Variants in R3HCC1 observed in about 807,000 individuals in gnomAD.
The protein encoded by R3HCC1 is R3H and coiled-coil domain-containing protein 1.
A neutral mutation model predicts 40.0 loss-of-function variants in R3HCC1; 32 were observed. That is an observed-to-expected ratio of 0.80 (90% CI 0.60 to 1.07). The LOEUF (loss-of-function observed/expected upper bound fraction) is 1.07. Among genes scored for constraint, R3HCC1 ranks in the 50% least tolerant of loss-of-function variants. The pLI is 0.00. For synonymous variants in R3HCC1, 237 were observed against 232.8 expected, an observed-to-expected ratio of 1.02 and a Z score of -0.17; for missense variants, 586 against 563.3, an observed-to-expected ratio of 1.04 and a Z score of -0.41.
chr8:23,289,061 C>G lies in R3HCC1; in HGVS notation c.156C>G (p.Ile52Met), dbSNP rs1327864429. 4 of 1,536,526 alleles carry G rather than the reference C, an allele frequency of 2.6e-6. No individual in the cohort carries two copies. Among genetic ancestry groups the G allele is most frequent in the Non-Finnish European group, 3.5e-6 (4 of 1,147,016 alleles). Residue 52 changes from isoleucine to methionine, a missense_variant, in exon 3 of 8, where the codon ATC becomes ATG. Physicochemically the swap from Ile to Met is conservative, Grantham distance 10. Coordinates refer to ENST00000265806, the MANE Select transcript of R3HCC1 (RefSeq NM_001136108.3). ...TCTCCAGTCGCCTCCGGTACCTGAT[C>G]CATAGAACAGCAGAGAATTTTGATC...
At position 23,290,374 on chromosome 8, in the gene R3HCC1, A is replaced by T. The variant is rs992162296; in HGVS notation, c.757A>T (p.Arg253Trp). 6.4e-6 allele frequency: 10 copies of T among 1,551,656 alleles called. No individual in the cohort carries two copies. The highest frequency in any genetic ancestry group is 1.4e-5 in the African/African-American group (1 of 73,012). The stretch of plus-strand genomic sequence containing the variant: ...GGGGAAGGAGAGTCTGTTGGAGAAG[A>T]GGCTGGTGGCAGAGGAGGAAGAGGA... Residue 253 changes from arginine (R) to tryptophan (W), a missense_variant, in exon 4 of 8, where the codon AGG (arginine) becomes TGG (tryptophan). Coordinates refer to ENST00000265806, the MANE Select transcript of R3HCC1 (RefSeq NM_001136108.3).
chr8:23,294,773 G>A lies in R3HCC1; in HGVS notation c.1101G>A (p.Ala367=), dbSNP rs374974909. 1,748 of 1,551,040 alleles carry A rather than the reference G, an allele frequency of 1.1e-3. 1 individual carries two copies. The highest frequency in any genetic ancestry group is 1.4e-3 in the Non-Finnish European group (1,606 of 1,146,794). ...ACGCCTGCTTTCTTTCCACAGCTGC[G>A]GAAGCCCTGACCCGGGAGTTCTCGG... The change falls in exon 7 of 8, where the codon GCG becomes GCA. Residue 367 remains alanine, a synonymous_variant. Transcript: ENST00000265806.
chr8:23,288,937 C>A, intron 2 of R3HCC1, 79 bp from the exon 3 acceptor site: 2 of 1,450,300 alleles, frequency 1.4e-6, no homozygotes, highest in Non-Finnish European at 1.9e-6. Context: ...CAGTGTTAAT[C>A]CGCGATTAAC....
Position 23,289,985 on chromosome 8 carries a change from G to C in R3HCC1, c.368G>C (p.Arg123Pro), listed in dbSNP as rs887902139. The C allele has an allele frequency of 2.0e-6, 3 of 1,536,666 alleles. No homozygotes were observed. The highest frequency in any genetic ancestry group is 1.2e-5 in the South Asian group (1 of 84,064). ...GCAGCTGCGGTTCCCCGAGGTGCCCGGGCTGGCCGGTGGTATCGTGGACGC... is the reference window on the plus strand; with the variant it reads ...GCAGCTGCGGTTCCCCGAGGTGCCCCGGCTGGCCGGTGGTATCGTGGACGC... Residue 123 changes from arginine to proline, a missense_variant, in exon 4 of 8, where the codon CGG becomes CCG. Transcript: ENST00000265806.
chr8:23,292,629 A>G (rs1802892430), intron 5 of R3HCC1, among the ~76,000 whole-genome samples: 1 of 99,030 alleles, frequency 1.0e-5, no homozygotes, highest in South Asian at 2.6e-4. Context: ...AAATAAAAAT[A>G]AAAACAAAAA....
At chr8:23,294,170 A>C (rs1369235155) in intron 6 of R3HCC1, among the ~76,000 whole-genome samples, 2 of 152,050 alleles carry the variant, frequency 1.3e-5, no homozygotes, top group Non-Finnish European at 1.5e-5. Flanking sequence ...TGTGGAAAGG[A>C]AGGCAGGGAG....
In R3HCC1 at chr8:23,296,029, G is replaced by T; in HGVS notation, c.1255G>T (p.Ala419Ser). 1.3e-6 allele frequency: 2 copies of T among 1,550,778 alleles called. No individual in the cohort carries two copies. The highest frequency in any genetic ancestry group is 1.7e-6 in the Non-Finnish European group (2 of 1,146,906). Residue 419 changes from alanine (A) to serine (S), a missense_variant, in exon 8 of 8, where the codon GCC becomes TCC. By Grantham distance (99) the Ala-to-Ser change is moderately conservative. Transcript: ENST00000265806. The stretch of plus-strand genomic sequence containing the variant: ...TGCGACTGTGGCCCGGCGGCTGGTG[G>T]CCCGGGCCCTGGGACTCCAACACAA...
rs1414944115 is a variant in R3HCC1, at chr8:23,289,904, C to T, written c.287C>T (p.Ala96Val). The change falls in exon 4 of 8, where the codon GCT (alanine) becomes GTT (valine). Residue 96 changes from alanine to valine, a missense_variant. Physicochemically the swap from Ala to Val is moderately conservative, Grantham distance 64. Coordinates refer to ENST00000265806, the MANE Select transcript of R3HCC1 (RefSeq NM_001136108.3). ...GATGGCCTCTCTGGCCCCTGCCGCG[C>T]TCCTGCCTCCTGCCCCAGCAGGTAC... is the stretch of plus-strand genomic sequence containing the variant. 1.3e-6 allele frequency: 2 copies of T among 1,533,082 alleles called. No individual in the cohort carries two copies. The highest frequency in any genetic ancestry group is 8.7e-7 in the Non-Finnish European group (1 of 1,145,008). The allele number at this position is 1,533,082 out of a possible 1,614,324, so 95.0% of individuals were successfully genotyped here.
chr8:23,288,733 C>T (rs765405929), intron 2 of R3HCC1, 100 bp downstream of exon 2: 61 of 1,418,882 alleles, frequency 4.3e-5, no homozygotes, highest in Non-Finnish European at 5.6e-5. Flanking sequence ...GCAGCTGGCT[C>T]TGACCTTGGC....
chr8:23,288,437 G>C, intron 1 of R3HCC1, 69 bp from the exon 2 acceptor site: 1 of 1,519,874 alleles, frequency 6.6e-7, no homozygotes, highest in Non-Finnish European at 8.8e-7. Context: ...TTCGGTGCCG[G>C]CGTTGCGGGG....
rs1393888536 is a variant in R3HCC1, at chr8:23,294,631, C to T, written c.1097-138C>T. On this transcript the variant is annotated intron_variant, in intron 6 of 7. Coordinates refer to ENST00000265806, the MANE Select transcript of R3HCC1 (RefSeq NM_001136108.3). ...AAGCAGGCGGCAGTCGTCTCTTGCC[C>T]ATCCAGGGCGGTGTCGGAGCAGCCC... The T allele has an allele frequency of 2.4e-5, 16 of 670,482 alleles. No homozygotes were observed. The East Asian group carries it at 3.9e-4, about 16-fold the overall frequency. The allele number at this position is 670,482 out of a possible 1,614,324, so 41.5% of individuals were successfully genotyped here.
In R3HCC1 at chr8:23,288,486, C is replaced by T. The variant is rs1455023526; in HGVS notation, c.-18-20C>T. 5.2e-6 allele frequency: 8 copies of T among 1,535,596 alleles called. No individual in the cohort carries two copies. In the East Asian group the frequency reaches 1.5e-4, roughly 28 times the overall value. On this transcript the variant is annotated intron_variant, in intron 1 of 7. Transcript: ENST00000265806. ...GGGGGTCTGTGCTCTGATTCCCGGCCCTGCCCGTCTCTCTTACAGGCTCTC... is the reference window on the plus strand; with the variant it reads ...GGGGGTCTGTGCTCTGATTCCCGGCTCTGCCCGTCTCTCTTACAGGCTCTC...
At position 23,291,388 on chromosome 8, in the gene R3HCC1, A is replaced by G; in HGVS notation, c.880A>G (p.Ile294Val). ...CACAGACAACCTGACGAAGAAGGAG[A>G]TTCAGATAGAGAAGATCCATTTGGA... The change falls in exon 5 of 8, where the codon ATT becomes GTT. Residue 294 changes from isoleucine (I) to valine (V), a missense_variant. Ile to Val is a conservative substitution (Grantham distance 29, BLOSUM62 3). Coordinates refer to ENST00000265806, the MANE Select transcript of R3HCC1 (RefSeq NM_001136108.3). 6.4e-7 allele frequency: 1 copy of G among 1,551,770 alleles called. No individual in the cohort carries two copies. The highest frequency in any genetic ancestry group is 2.0e-5 in the Admixed American group (1 of 50,996).
At chr8:23,288,748 A>G in intron 2 of R3HCC1, 115 bp downstream of exon 2, 4 of 1,299,054 alleles carry the variant, frequency 3.1e-6, no homozygotes, top group Non-Finnish European at 4.2e-6. Context: ...CTTGGCCTTT[A>G]GTCTTTATAA....
rs189049187 is a variant in R3HCC1, at chr8:23,291,491, C to T, written c.983C>T (p.Ala328Val). 160 of 1,551,504 alleles carry T rather than the reference C, an allele frequency of 1.0e-4. 1 individual carries two copies. In the East Asian group the frequency reaches 2.1e-3, roughly 21 times the overall value. ...GTAGAGATCTATGACTTTGAACCAG[C>T]GCTCAAGACGGAGGACCTGCTGGCA... The change falls in exon 5 of 8, where the codon GCG becomes GTG. Residue 328 changes from alanine (A) to valine (V), a missense_variant. Ala to Val is a moderately conservative substitution (Grantham distance 64, BLOSUM62 0). Coordinates refer to ENST00000265806, the MANE Select transcript of R3HCC1 (RefSeq NM_001136108.3).
chr8:23,288,335 A>G (rs13278751), intron 1 of R3HCC1, 171 bp from the exon 2 acceptor site: 1,085,093 of 1,123,238 alleles, frequency 0.97, 524,225 homozygotes, highest in East Asian at 1. Flanking sequence ...GGCAGGAGCC[A>G]GGAGACCCCT....
At chr8:23,292,353 C>T (rs149904355) in intron 5 of R3HCC1, among the ~76,000 whole-genome samples, 4 of 152,264 alleles carry the variant, frequency 2.6e-5, no homozygotes, top group African/African-American at 9.6e-5. Context: ...GCCTGTAATC[C>T]CAGCACTTTG....
Position 23,288,111 on chromosome 8 carries a change from G to A in R3HCC1, c.-65G>A. ...TCTCTCTAGGGCGCTCGGGCGCGCT[G>A]GCCCCTGGGGACGCCGAGGGCGGCT... On this transcript the variant is annotated 5_prime_UTR_variant, in exon 1 of 8. Coordinates refer to ENST00000265806, the MANE Select transcript of R3HCC1 (RefSeq NM_001136108.3). The A allele has an allele frequency of 7.9e-7, 1 of 1,264,690 alleles. No homozygotes were observed. Among genetic ancestry groups the A allele is most frequent in the Non-Finnish European group, 1.0e-6 (1 of 977,740 alleles). 78.3% of individuals were successfully genotyped at this position (1,264,690 alleles called of 1,614,324 possible).
rs914846133 is a variant in R3HCC1, at chr8:23,290,241, G to A, written c.624G>A (p.Leu208=). 1.9e-6 allele frequency: 3 copies of A among 1,551,650 alleles called. No individual in the cohort carries two copies. The African/African-American group carries it at 4.1e-5, about 21-fold the overall frequency. Reference sequence around the variant, plus strand: ...AAAGGTGTGAGAATGAGCCACTGCTGGACCCTGTTGGCCCTGAGCCTCTGG... The same window carrying A: ...AAAGGTGTGAGAATGAGCCACTGCTAGACCCTGTTGGCCCTGAGCCTCTGG... The change falls in exon 4 of 8, where the codon CTG becomes CTA. Residue 208 remains leucine, a synonymous_variant. Transcript: ENST00000265806.
Sources: gnomAD v4.1 joint callset for allele counts (sites outside exome capture counted in the v4.1 genomes callset) on GRCh38, gnomAD v4.1.1 for gene constraint, MANE v1.5 for transcripts, NCBI Gene and HGNC (gene_info 2026-07-23, HGNC 2026-07-21) for gene names.